Variants in LRP1B observed in about 807,000 individuals in gnomAD.
LRP1B encodes low-density lipoprotein receptor-related protein 1B.
LRP1B carries 217 observed loss-of-function variants against 556.6 expected under a neutral mutation model. The ratio of observed to expected loss-of-function variants is 0.39; its 90% CI spans 0.35 to 0.44. The LOEUF is 0.44. LRP1B is among the 20% of genes least tolerant of loss of function. The pLI is 1.00. For missense variants in LRP1B, 5,053 were observed against 5,620.8 expected (o/e 0.90, Z 3.23); for synonymous variants, 2,047 against 1,865.8 (o/e 1.10, Z -2.50).
chr2:140,631,464 A>G (rs993728936), intron 41 of LRP1B, among the ~76,000 whole-genome samples: 1 of 152,230 alleles, frequency 6.6e-6, no homozygotes, highest in Non-Finnish European at 1.5e-5. Flanking sequence ...AGAGATGGAA[A>G]CTATACGAGT....
At chr2:140,818,833 A>G (rs573267856) in intron 31 of LRP1B, among the ~76,000 whole-genome samples, 8 of 150,026 alleles carry the variant, frequency 5.3e-5, no homozygotes, top group African/African-American at 2.0e-4. Context: ...GCTACTCGGG[A>G]GGCTGAGGCA....
intron 1 of LRP1B, among the ~76,000 whole-genome samples, chr2:141,926,949 T>A (rs1345141811): frequency 1.3e-5 from 2 of 152,188 alleles, no homozygotes; most frequent in East Asian, 3.9e-4. Flanking sequence ...TTCAGAATAA[T>A]GGTCAAATTT....
intron 66 of LRP1B, among the ~76,000 whole-genome samples, chr2:140,404,362 C>T (rs538151218): frequency 4.6e-5 from 7 of 151,464 alleles, no homozygotes; most frequent in African/African-American, 7.3e-5. Flanking sequence ...TTAGTAGAGA[C>T]GGGGTTTCAC....
rs552031961 is a variant in LRP1B at position 140,362,384 on chromosome 2, C to G, written c.11131+2277G>C. On this transcript the variant is annotated intron_variant, in intron 72 of 90. Coordinates refer to ENST00000389484, the MANE Select transcript of LRP1B (RefSeq NM_018557.3). The stretch of plus-strand genomic sequence containing the variant: ...AATTTAAGGTTTTCTGACTTTATGA[C>G]AGTGTGAAAGCAATACATGTTCTCC... 7.2e-5 allele frequency among the ~76,000 whole-genome samples: 11 copies of G among 151,844 alleles called. No individual in the cohort carries two copies. The East Asian group carries it at 7.8e-4, about 11-fold the overall frequency.
At chr2:141,056,771 A>C (rs1043449970) in intron 9 of LRP1B, among the ~76,000 whole-genome samples, 6 of 151,876 alleles carry the variant, frequency 4.0e-5, no homozygotes, top group African/African-American at 1.4e-4. Context: ...AATGACTCCC[A>C]AATTGGTATC....
intron 25 of LRP1B, among the ~76,000 whole-genome samples, chr2:140,877,491 C>T (rs185774233): frequency 2.7e-3 from 415 of 152,112 alleles, no homozygotes; most frequent in African/African-American, 6.5e-3. Context: ...AAAGAAAAGG[C>T]GGGAAATGTG....
At chr2:140,322,246 CTCCTTTATAGGTGAAGAAAA>C (rs1265668825) in intron 81 of LRP1B, among the ~76,000 whole-genome samples, 158 bp from the exon 82 acceptor site, 2 of 152,124 alleles carry the variant, frequency 1.3e-5, no homozygotes, top group African/African-American at 4.8e-5. Flanking sequence ...TATCATCATT[CTCCTTTATAGGTGAAGAAAA>C]ATTACCCAAT....
At chr2:141,939,345 C>T (rs1015237426) in intron 1 of LRP1B, among the ~76,000 whole-genome samples, 3 of 151,906 alleles carry the variant, frequency 2.0e-5, no homozygotes, top group African/African-American at 7.3e-5. Context: ...TTAGTACAAT[C>T]AAAGACACAT....
chr2:141,011,165 A>G lies in LRP1B; in HGVS notation c.2380+2391T>C, dbSNP rs986256422. On this transcript the variant is annotated intron_variant, in intron 14 of 90. Transcript: ENST00000389484. ...CAAAGGAGATATGTACTACTTAGAG[A>G]TTTGATTTTCTCTTCAATTGCTATA... Among the ~76,000 whole-genome samples the G allele has an allele frequency of 2.0e-4, 28 of 143,330 alleles. 1 individual carries two copies. The highest frequency in any genetic ancestry group is 7.2e-3 in the Middle Eastern group (2 of 278). 94.0% of individuals were successfully genotyped at this position (143,330 alleles called of 152,430 possible).
chr2:141,492,633 T>G (rs1366384052), intron 2 of LRP1B, among the ~76,000 whole-genome samples: 1 of 152,116 alleles, frequency 6.6e-6, no homozygotes, highest in African/African-American at 2.4e-5. Flanking sequence ...AAAAGTAGTA[T>G]TATAGTGAGA....
chr2:140,358,740 TA>T, intron 73 of LRP1B, 80 bp downstream of exon 73: 1 of 1,450,214 alleles, frequency 6.9e-7, no homozygotes, highest in South Asian at 1.2e-5. Flanking sequence ...ATAAGAAATG[TA>T]TTTTTTAAAA....
At chr2:140,550,676 A>G (rs1222395221) in intron 43 of LRP1B, among the ~76,000 whole-genome samples, 1 of 152,082 alleles carries the variant, frequency 6.6e-6, no homozygotes, top group African/African-American at 2.4e-5. Context: ...AGTTTATCCT[A>G]TTGGAAATCT....
intron 2 of LRP1B, among the ~76,000 whole-genome samples, chr2:141,774,087 T>G (rs1206938096): frequency 6.6e-6 from 1 of 152,220 alleles, no homozygotes; most frequent in Non-Finnish European, 1.5e-5. Context: ...TTTCACCACT[T>G]TGGCAGAAAT....
At position 140,536,566 on chromosome 2, in the gene LRP1B, A is replaced by G. The variant is rs201784923; in HGVS notation, c.7642+15T>C. 6.1e-4 allele frequency: 974 copies of G among 1,602,892 alleles called. 1 individual carries two copies. The highest frequency in any genetic ancestry group is 1.0e-3 in the Middle Eastern group (6 of 6,030). Reference sequence around the variant, plus strand: ...AACTTTATCTGAAACGAGCAAACCCATATTGGACACTTACCACAGTAGAGC... The same window carrying G: ...AACTTTATCTGAAACGAGCAAACCCGTATTGGACACTTACCACAGTAGAGC... On this transcript the variant is annotated intron_variant, in intron 46 of 90. Transcript: ENST00000389484.
chr2:141,094,050 G>A (rs933506572), intron 7 of LRP1B, among the ~76,000 whole-genome samples: 2 of 151,952 alleles, frequency 1.3e-5, no homozygotes, highest in Non-Finnish European at 2.9e-5. Context: ...GTTTCATTAC[G>A]ATATATTTCT....
intron 82 of LRP1B, among the ~76,000 whole-genome samples, chr2:140,318,100 A>AAC (rs1158280224): frequency 6.6e-6 from 1 of 152,142 alleles, no homozygotes; most frequent in African/African-American, 2.4e-5. Context: ...CTCATCAGTT[A>AAC]ACAATAGCAG....
intron 39 of LRP1B, 110 bp downstream of exon 39, chr2:140,702,031 G>C (rs1191561973): frequency 2.2e-6 from 3 of 1,374,428 alleles, no homozygotes; most frequent in Admixed American, 2.1e-5. Context: ...TACTGGCTTT[G>C]TGAGTTCCTT....
intron 83 of LRP1B, among the ~76,000 whole-genome samples, 196 bp downstream of exon 83, chr2:140,314,739 T>C (rs1684446856): frequency 6.6e-6 from 1 of 152,106 alleles, no homozygotes; most frequent in East Asian, 1.9e-4. Context: ...CCCAGAGTAA[T>C]TGTTAAATTT....
At chr2:141,816,410 A>G (rs1294115033) in intron 1 of LRP1B, among the ~76,000 whole-genome samples, 1 of 152,220 alleles carries the variant, frequency 6.6e-6, no homozygotes, top group Non-Finnish European at 1.5e-5. Context: ...TCTGGCCTGC[A>G]TCTTTCTCCT....
Sources: gnomAD v4.1 joint callset for allele counts (sites outside exome capture counted in the v4.1 genomes callset) on GRCh38, gnomAD v4.1.1 for gene constraint, MANE v1.5 for transcripts, NCBI Gene and HGNC (gene_info 2026-07-23, HGNC 2026-07-21) for gene names.